Variants in KIF5B observed in about 807,000 individuals in gnomAD.
The protein encoded by KIF5B is kinesin-1 heavy chain.
Under a neutral mutation model 132.8 loss-of-function variants are expected in KIF5B, and 49 were observed. That is an observed-to-expected ratio of 0.37 (90% CI 0.29 to 0.47). The LOEUF (loss-of-function observed/expected upper bound fraction) is 0.47. Among genes scored for constraint, KIF5B ranks in the 20% least tolerant of loss-of-function variants. The probability of loss-of-function intolerance (pLI) is 1.00; values close to 1 mark genes in which losing one functional copy is unlikely to be tolerated. For missense variants in KIF5B, 780 were observed against 1,144.0 expected (o/e 0.68, Z 4.59); for synonymous variants, 355 against 369.4 (o/e 0.96, Z 0.45).
At chr10:32,015,763 G>T in intron 24 of KIF5B, 104 bp from the exon 25 acceptor site, 2 of 937,184 alleles carry the variant, frequency 2.1e-6, no homozygotes, top group Non-Finnish European at 3.1e-6. Context: ...CAAATGTTTT[G>T]TTTTTCTTTG....
intron 2 of KIF5B, among the ~76,000 whole-genome samples, chr10:32,046,397 CA>C (rs967717844): frequency 3.3e-5 from 5 of 152,274 alleles, no homozygotes; most frequent in South Asian, 2.1e-4. Context: ...GTCATTTACA[CA>C]ATTACAAGTG....
intron 25 of KIF5B, among the ~76,000 whole-genome samples, chr10:32,011,814 T>C (rs1841085271): frequency 6.6e-6 from 1 of 152,256 alleles, no homozygotes; most frequent in East Asian, 1.9e-4. Flanking sequence ...TTATGAATTG[T>C]ATTTGTTTAA....
At chr10:32,038,688 A>T in intron 5 of KIF5B, 90 bp downstream of exon 5, 1 of 813,604 alleles carries the variant, frequency 1.2e-6, no homozygotes, top group East Asian at 2.7e-5. Context: ...AGACAATTTC[A>T]TATAGGTTAC....
chr10:32,037,894 G>A (rs960540397), intron 6 of KIF5B, among the ~76,000 whole-genome samples: 5 of 151,692 alleles, frequency 3.3e-5, no homozygotes, highest in Non-Finnish European at 5.9e-5. Flanking sequence ...GGCGGATCAC[G>A]AGGTCAGGAG....
intron 1 of KIF5B, among the ~76,000 whole-genome samples, chr10:32,055,518 GCACACACA>G (rs61091883): frequency 1.3e-5 from 2 of 150,022 alleles, no homozygotes; most frequent in African/African-American, 2.4e-5. Flanking sequence ...ATCCGTAATT[GCACACACA>G]CACACACACA....
intron 25 of KIF5B, among the ~76,000 whole-genome samples, chr10:32,012,393 T>C (rs1841096049): frequency 6.6e-6 from 1 of 152,144 alleles, no homozygotes; most frequent in Non-Finnish European, 1.5e-5. Flanking sequence ...GGAGAACTGC[T>C]TGAACCCGGG....
chr10:32,033,779 G>A (rs1841428999), intron 12 of KIF5B, 66 bp downstream of exon 12: 8 of 1,116,912 alleles, frequency 7.2e-6, no homozygotes, highest in South Asian at 5.9e-5. Context: ...AGAAAAGTTA[G>A]AAAATAAAAA....
intron 12 of KIF5B, among the ~76,000 whole-genome samples, chr10:32,033,417 G>A (rs1228400143): frequency 6.6e-6 from 1 of 152,164 alleles, no homozygotes; most frequent in Non-Finnish European, 1.5e-5. Context: ...TTAAGAGCGC[G>A]AACTCTATTA....
At chr10:32,040,336 G>A (rs1055771376) in intron 3 of KIF5B, 48 bp downstream of exon 3, 8 of 1,023,698 alleles carry the variant, frequency 7.8e-6, no homozygotes, top group Non-Finnish European at 9.3e-6. Flanking sequence ...AATAATGAAT[G>A]CTGTATGTAT....
chr10:32,056,182 G>T lies in KIF5B; in HGVS notation c.-209C>A. ...GCCGTTAACCCTAATGCTCACTTCC[G>T]ATCCATCATGGCAGCCATGGCGGCG... On this transcript the variant is annotated 5_prime_UTR_variant, in exon 1 of 26. Transcript: ENST00000302418. 1 of 554,984 alleles carries T rather than the reference G, an allele frequency of 1.8e-6. No homozygotes were observed. Among genetic ancestry groups the T allele is most frequent in the East Asian group, 3.5e-5 (1 of 28,788 alleles). The allele number at this position is 554,984 out of a possible 1,614,324, so 34.4% of individuals were successfully genotyped here. A position where few individuals can be genotyped will look rare whatever the true frequency, so the allele number is the denominator to read the frequency against.
rs994436744 is a variant in KIF5B, at chr10:32,056,078, C to G, written c.-105G>C. The G allele has an allele frequency of 3.6e-6, 5 of 1,399,678 alleles. No individual in the cohort carries two copies. The highest frequency in any genetic ancestry group is 3.9e-6 in the Non-Finnish European group (4 of 1,030,670). The allele number at this position is 1,399,678 out of a possible 1,614,324, so 86.7% of individuals were successfully genotyped here. The stretch of plus-strand genomic sequence containing the variant: ...TTGTGGTCGCGAGGGCCGTGAGAGG[C>G]AGCAGTCAGCTGCGCCGCGCTGCGC... On this transcript the variant is annotated 5_prime_UTR_variant, in exon 1 of 26. Coordinates refer to ENST00000302418, the MANE Select transcript of KIF5B (RefSeq NM_004521.3).
At chr10:32,052,328 T>A (rs987955438) in intron 1 of KIF5B, among the ~76,000 whole-genome samples, 1 of 152,240 alleles carries the variant, frequency 6.6e-6, no homozygotes, top group Non-Finnish European at 1.5e-5. Flanking sequence ...TTTTTCCCTC[T>A]TAAGGTAATC....
chr10:32,053,875 G>A (rs1370466776), intron 1 of KIF5B, among the ~76,000 whole-genome samples: 1 of 152,108 alleles, frequency 6.6e-6, no homozygotes, highest in African/African-American at 2.4e-5. Flanking sequence ...TTTATATAGA[G>A]TACTGAAATT....
chr10:32,046,112 T>C (rs1222417699), intron 2 of KIF5B, among the ~76,000 whole-genome samples: 1 of 152,156 alleles, frequency 6.6e-6, no homozygotes, highest in East Asian at 1.9e-4. Context: ...AAATGGAATC[T>C]GCACTTTAAA....
At chr10:32,030,515 CAAA>C (rs36044885) in intron 14 of KIF5B, among the ~76,000 whole-genome samples, 1 of 122,554 alleles carries the variant, frequency 8.2e-6, no homozygotes, top group Admixed American at 8.5e-5. Context: ...AACTTTGTCT[CAAA>C]AAAAAAAAAA....
At chr10:32,028,671 A>G (rs1841362904) in intron 14 of KIF5B, 100 bp from the exon 15 acceptor site, 2 of 972,406 alleles carry the variant, frequency 2.1e-6, no homozygotes, top group Admixed American at 5.4e-5. Context: ...GCCCTTACGA[A>G]ACCATGTCTT....
At chr10:32,025,679 A>T (rs571409905) in intron 15 of KIF5B, among the ~76,000 whole-genome samples, 3 of 152,194 alleles carry the variant, frequency 2.0e-5, no homozygotes, top group Non-Finnish European at 4.4e-5. Context: ...CTCAGCCTAC[A>T]CATGAATGTT....
At chr10:32,016,378 C>A (rs540765410) in intron 24 of KIF5B, among the ~76,000 whole-genome samples, 20 of 151,862 alleles carry the variant, frequency 1.3e-4, no homozygotes, top group Admixed American at 5.9e-4. Flanking sequence ...ATCGCTTGAA[C>A]CCAGGAGGCA....
intron 17 of KIF5B, 42 bp from the exon 18 acceptor site, chr10:32,021,329 T>C (rs1841256020): frequency 1.4e-6 from 2 of 1,425,546 alleles, no homozygotes; most frequent in African/African-American, 2.8e-5. Flanking sequence ...AATAAGCCTT[T>C]AAGGTTCCTC....
Sources: allele counts gnomAD v4.1 joint callset (sites outside exome capture counted in the v4.1 genomes callset), GRCh38; gene constraint gnomAD v4.1.1; transcripts MANE v1.5; gene names NCBI Gene and HGNC (gene_info 2026-07-23, HGNC 2026-07-21).